The following CA2 variants were observed in gnomAD, a reference collection of about 807,000 sequenced individuals.
The protein encoded by CA2 is carbonic anhydrase 2.
CA2 carries 23 observed loss-of-function variants against 27.8 expected under a neutral mutation model. That is an observed-to-expected ratio of 0.83 (90% CI 0.59 to 1.17). CA2 has a LOEUF of 1.17. CA2 is among the 50% of genes most tolerant of loss of function. The pLI is 0.00. For missense variants in CA2, 300 were observed against 314.7 expected (o/e 0.95, Z 0.35); for synonymous variants, 99 against 114.9 (o/e 0.86, Z 0.88).
chr8:85,467,341 T>C (rs753758103), intron 2 of CA2, among the ~76,000 whole-genome samples: 5 of 152,116 alleles, frequency 3.3e-5, no homozygotes, highest in Non-Finnish European at 7.3e-5. Context: ...AGTAATACTG[T>C]CTAGGTTTTA....
At chr8:85,469,258 C>G (rs1024281804) in intron 2 of CA2, among the ~76,000 whole-genome samples, 1 of 152,008 alleles carries the variant, frequency 6.6e-6, no homozygotes, top group Non-Finnish European at 1.5e-5. Flanking sequence ...GTTCATTTAC[C>G]TGTCTTCTTT....
intron 6 of CA2, among the ~76,000 whole-genome samples, chr8:85,479,104 G>A (rs950259797): frequency 6.9e-6 from 1 of 144,508 alleles, no homozygotes; most frequent in African/African-American, 2.4e-5. Context: ...TGTTAATGAG[G>A]AAGTATGGGG....
intron 2 of CA2, 24 bp downstream of exon 2, chr8:85,465,493 T>C (rs1353965602): frequency 2.5e-6 from 4 of 1,591,924 alleles, no homozygotes; most frequent in Non-Finnish European, 3.4e-6. Flanking sequence ...AAATAACTTG[T>C]GTCTTTTAGC....
chr8:85,472,925 C>T (rs1277119390), intron 2 of CA2, among the ~76,000 whole-genome samples: 2 of 151,038 alleles, frequency 1.3e-5, no homozygotes, highest in Non-Finnish European at 1.5e-5. Context: ...CTGCTTGAGG[C>T]GGAAGTTGCA....
At chr8:85,464,145 C>A (rs906041052) in intron 1 of CA2, 30 bp downstream of exon 1, 6 of 1,527,326 alleles carry the variant, frequency 3.9e-6, no homozygotes, top group South Asian at 2.4e-5. Context: ...AGCGCGGGGG[C>A]GCCCCGATCC....
intron 6 of CA2, among the ~76,000 whole-genome samples, chr8:85,480,008 T>C (rs1295532791): frequency 6.6e-6 from 1 of 152,180 alleles, no homozygotes. Context: ...AATTTGGAAC[T>C]AAAATTGTTA....
At chr8:85,464,769 G>A (rs1811597075) in intron 1 of CA2, 1 of 158,758 alleles carries the variant, frequency 6.3e-6, no homozygotes, top group African/African-American at 2.4e-5. Context: ...AGAGGAGCAT[G>A]CGTCTGGCGC....
intron 2 of CA2, among the ~76,000 whole-genome samples, chr8:85,472,180 A>G (rs1201344893): frequency 6.6e-6 from 1 of 152,208 alleles, no homozygotes; most frequent in Non-Finnish European, 1.5e-5. Context: ...GTTGTACAGA[A>G]GTTATCCCTT....
At chr8:85,474,299 T>G (rs776141542) in intron 3 of CA2, 25 bp from the exon 4 acceptor site, 30 of 1,546,254 alleles carry the variant, frequency 1.9e-5, no homozygotes, top group Non-Finnish European at 2.7e-5. Flanking sequence ...AATCACTCAC[T>G]GTGGCTTTGT....
chr8:85,464,550 C>T (rs975585841), intron 1 of CA2: 2 of 147,544 alleles, frequency 1.4e-5, no homozygotes, highest in African/African-American at 5.2e-5. Context: ...CCACCTTCCA[C>T]CCCCACCCCA....
At chr8:85,476,839 T>C (rs1586016648) in intron 5 of CA2, among the ~76,000 whole-genome samples, 1 of 152,062 alleles carries the variant, frequency 6.6e-6, no homozygotes, top group African/African-American at 2.4e-5. Context: ...AATGACTTAA[T>C]GGGGAATGTA....
chr8:85,473,872 T>A, intron 3 of CA2, 61 bp downstream of exon 3: 1 of 957,424 alleles, frequency 1.0e-6, no homozygotes, highest in Non-Finnish European at 1.7e-6. Flanking sequence ...TATTTAGCAT[T>A]AATTTCAAAA....
chr8:85,477,429 C>T (rs1393971881), intron 6 of CA2, among the ~76,000 whole-genome samples, 154 bp downstream of exon 6: 1 of 152,174 alleles, frequency 6.6e-6, no homozygotes, highest in African/African-American at 2.4e-5. Flanking sequence ...AGCAAATAAA[C>T]AGCGTTCAGT....
At chr8:85,477,818 A>G (rs1309565784) in intron 6 of CA2, among the ~76,000 whole-genome samples, 1 of 152,208 alleles carries the variant, frequency 6.6e-6, no homozygotes, top group African/African-American at 2.4e-5. Context: ...GTGATCGTCA[A>G]GTGATTAGTG....
intron 6 of CA2, among the ~76,000 whole-genome samples, chr8:85,478,871 C>G (rs901205584): frequency 6.6e-6 from 1 of 152,188 alleles, no homozygotes; most frequent in Non-Finnish European, 1.5e-5. Flanking sequence ...TTTTGAGCAT[C>G]ACATCTAGAT....
At chr8:85,474,654 A>G in intron 4 of CA2, 2 of 528,416 alleles carry the variant, frequency 3.8e-6, no homozygotes, top group Non-Finnish European at 6.8e-6. Context: ...AAGAACATAA[A>G]GAGATCAACT....
Position 85,468,941 on chromosome 8 carries a change from T to C in CA2, c.232+3472T>C, listed in dbSNP as rs373034587. 1.8e-4 allele frequency among the ~76,000 whole-genome samples: 27 copies of C among 151,958 alleles called. No homozygotes were observed. In the South Asian group the frequency reaches 3.5e-3, roughly 20 times the overall value. Reference sequence around the variant, plus strand: ...TTAATAAACATGAAGAAACAGAAGCTGAAGAGTTTAAATAACTTGCTAAGT... The same window carrying C: ...TTAATAAACATGAAGAAACAGAAGCCGAAGAGTTTAAATAACTTGCTAAGT... On this transcript the variant is annotated intron_variant, in intron 2 of 6. Coordinates refer to ENST00000285379, the MANE Select transcript of CA2 (RefSeq NM_000067.3).
In CA2 at chr8:85,464,029, G is replaced by T. The variant is rs886063148; in HGVS notation, c.-53G>T. ...GACACACAGTGCAGGCGCCCAAGCC[G>T]CCGCCGCCAGATCGGTGCCGATTCC... is the stretch of plus-strand genomic sequence containing the variant. On this transcript the variant is annotated 5_prime_UTR_variant, in exon 1 of 7. Transcript: ENST00000285379. The T allele has an allele frequency of 2.4e-5, 36 of 1,531,820 alleles. No individual in the cohort carries two copies. The Middle Eastern group carries it at 5.0e-4, about 21-fold the overall frequency. The allele number at this position is 1,531,820 out of a possible 1,614,324, so 94.9% of individuals were successfully genotyped here. A position where few individuals can be genotyped will look rare whatever the true frequency, so the allele number is the denominator to read the frequency against.
chr8:85,465,584 C>T (rs1012282454), intron 2 of CA2, 115 bp downstream of exon 2: 2 of 815,336 alleles, frequency 2.5e-6, no homozygotes, highest in African/African-American at 3.4e-5. Context: ...TGTCTCAGGA[C>T]TCAAGGATGC....
Sources: allele counts gnomAD v4.1 joint callset (sites outside exome capture counted in the v4.1 genomes callset), GRCh38; gene constraint gnomAD v4.1.1; transcripts MANE v1.5; gene names NCBI Gene and HGNC (gene_info 2026-07-23, HGNC 2026-07-21).